Variants in MUSK observed in about 807,000 individuals in gnomAD.
The protein encoded by MUSK is muscle, skeletal receptor tyrosine-protein kinase.
MUSK carries 55 observed loss-of-function variants against 88.7 expected under a neutral mutation model. The observed-to-expected ratio is 0.62, with a 90% CI of 0.50 to 0.78. The LOEUF (loss-of-function observed/expected upper bound fraction) is 0.78, where lower values mean the gene tolerates loss of function less well. Among genes scored for constraint, MUSK ranks in the 30% least tolerant of loss-of-function variants. The pLI, the probability that MUSK is intolerant of heterozygous loss-of-function variation, is 0.00. For missense variants in MUSK, 1,015 were observed against 1,074.3 expected, an observed-to-expected ratio of 0.94 and a Z score of 0.77; for synonymous variants, 387 against 391.9, an observed-to-expected ratio of 0.99 and a Z score of 0.15.
intron 5 of MUSK, among the ~76,000 whole-genome samples, chr9:110,713,819 G>A (rs562443800): frequency 1.9e-4 from 29 of 152,204 alleles, no homozygotes; most frequent in African/African-American, 7.0e-4. Flanking sequence ...ACCTCAGCTC[G>A]TTTAACGCAT....
At chr9:110,771,762 T>C (rs2131972245) in intron 9 of MUSK, among the ~76,000 whole-genome samples, 1 of 152,252 alleles carries the variant, frequency 6.6e-6, no homozygotes, top group Non-Finnish European at 1.5e-5. Flanking sequence ...GATGACAGAC[T>C]CATCAGCCAC....
Position 110,802,180 on chromosome 9 carries a change from CTT to C in MUSK, c.*1194_*1195del, listed in dbSNP as rs776907070. Among the ~76,000 whole-genome samples the C allele has an allele frequency of 5.9e-5, 9 of 152,042 alleles. No individual in the cohort carries two copies. The highest frequency in any genetic ancestry group is 1.2e-4 in the Non-Finnish European group (8 of 67,980). On this transcript the variant is annotated 3_prime_UTR_variant, in exon 15 of 15. Coordinates refer to ENST00000374448, the MANE Select transcript of MUSK (RefSeq NM_005592.4). ...GAATTAATATCGTTCTGCTTAACAA[CTT>C]TGTGCATGACATATTAACTGATTTT... is the stretch of plus-strand genomic sequence containing the variant.
chr9:110,689,220 A>G (rs1190529083), intron 3 of MUSK, among the ~76,000 whole-genome samples: 8 of 88,262 alleles, frequency 9.1e-5, no homozygotes, highest in Non-Finnish European at 1.6e-4. Context: ...TATATAATAT[A>G]TAATATATAA....
At chr9:110,699,552 A>G (rs2076474732) in intron 5 of MUSK, among the ~76,000 whole-genome samples, 1 of 152,186 alleles carries the variant, frequency 6.6e-6, no homozygotes, top group Non-Finnish European at 1.5e-5. Flanking sequence ...TAGTTGAGGT[A>G]TTTTCATAAG....
At chr9:110,689,133 T>A (rs1242867970) in intron 3 of MUSK, among the ~76,000 whole-genome samples, 3 of 132,078 alleles carry the variant, frequency 2.3e-5, no homozygotes, top group Admixed American at 8.0e-5. Flanking sequence ...ATAAACTACA[T>A]AAATAAACTA....
intron 1 of MUSK, among the ~76,000 whole-genome samples, chr9:110,682,247 A>C (rs1433961790): frequency 1.3e-5 from 2 of 151,994 alleles, no homozygotes; most frequent in African/African-American, 4.8e-5. Flanking sequence ...ATTAGGGGAA[A>C]ATTGTTCTTA....
intron 1 of MUSK, among the ~76,000 whole-genome samples, chr9:110,681,385 C>G (rs920654957): frequency 2.0e-5 from 3 of 150,546 alleles, no homozygotes; most frequent in Admixed American, 1.3e-4. Flanking sequence ...GTACATCAGT[C>G]ACTGTGCTCA....
At chr9:110,726,151 A>G (rs1391482195) in intron 5 of MUSK, among the ~76,000 whole-genome samples, 1 of 152,048 alleles carries the variant, frequency 6.6e-6, no homozygotes, top group Non-Finnish European at 1.5e-5. Context: ...GGTATAATAT[A>G]TTTGCATTAG....
At chr9:110,682,531 T>A in intron 1 of MUSK, 143 bp from the exon 2 acceptor site, 2 of 725,354 alleles carry the variant, frequency 2.8e-6, no homozygotes, top group East Asian at 2.7e-5. Context: ...ATTCTTTACA[T>A]AAGCTCTTCC....
At chr9:110,694,354 C>G (rs149476429) in intron 3 of MUSK, among the ~76,000 whole-genome samples, 6,948 of 144,496 alleles carry the variant, frequency 0.048, 202 homozygotes, top group East Asian at 0.089. Context: ...CCACTGCACT[C>G]CAGCCTGGGC....
chr9:110,784,751 T>C, intron 11 of MUSK, 64 bp from the exon 12 acceptor site: 1 of 1,309,194 alleles, frequency 7.6e-7, no homozygotes, highest in Non-Finnish European at 1.1e-6. Context: ...ACTGATTGCT[T>C]AAATACAAAA....
chr9:110,773,145 C>T (rs2077607067), intron 9 of MUSK, among the ~76,000 whole-genome samples: 1 of 151,960 alleles, frequency 6.6e-6, no homozygotes, highest in Non-Finnish European at 1.5e-5. Flanking sequence ...AAGTACTACA[C>T]TGAGCATTTG....
At chr9:110,710,837 T>C (rs1038238770) in intron 5 of MUSK, among the ~76,000 whole-genome samples, 4 of 152,190 alleles carry the variant, frequency 2.6e-5, no homozygotes, top group Non-Finnish European at 5.9e-5. Flanking sequence ...GCCAAAAATC[T>C]TGTTGAAAAT....
At chr9:110,757,773 A>G (rs1182103374) in intron 7 of MUSK, among the ~76,000 whole-genome samples, 2 of 151,854 alleles carry the variant, frequency 1.3e-5, no homozygotes, top group African/African-American at 4.8e-5. Flanking sequence ...ACTTTCCTTT[A>G]TTATAAGAGT....
chr9:110,779,058 C>CTG (rs10680441), intron 11 of MUSK, among the ~76,000 whole-genome samples: 49,296 of 149,568 alleles, frequency 0.33, 8,085 homozygotes, highest in Middle Eastern at 0.42. Flanking sequence ...GTCAGTGTCT[C>CTG]TGTGTGTGTG....
chr9:110,700,590 G>A (rs1395608249), intron 5 of MUSK, among the ~76,000 whole-genome samples: 1 of 152,104 alleles, frequency 6.6e-6, no homozygotes, highest in Non-Finnish European at 1.5e-5. Flanking sequence ...TTGGTGTGTA[G>A]ATCACGTTGC....
intron 9 of MUSK, 86 bp downstream of exon 9, chr9:110,768,169 C>G: frequency 7.5e-7 from 1 of 1,333,428 alleles, no homozygotes; most frequent in Non-Finnish European, 1.0e-6. Context: ...TTGTAATATG[C>G]AACAGTAAAA....
At chr9:110,670,803 C>A (rs1469198330) in intron 1 of MUSK, among the ~76,000 whole-genome samples, 1 of 152,076 alleles carries the variant, frequency 6.6e-6, no homozygotes, top group East Asian at 1.9e-4. Flanking sequence ...ATGAGTTTAA[C>A]ATCACTCTTA....
intron 1 of MUSK, among the ~76,000 whole-genome samples, chr9:110,669,690 A>G (rs545105683): frequency 1.2e-3 from 185 of 152,316 alleles, no homozygotes; most frequent in African/African-American, 4.3e-3. Flanking sequence ...ATGTCCAGTG[A>G]TATAGTTTCT....
Sources: gnomAD v4.1 joint callset for allele counts (sites outside exome capture counted in the v4.1 genomes callset) on GRCh38, gnomAD v4.1.1 for gene constraint, MANE v1.5 for transcripts, NCBI Gene and HGNC (gene_info 2026-07-23, HGNC 2026-07-21) for gene names.